TMEM266: variants seen among roughly 807,000 people sequenced by gnomAD.
TMEM266 encodes transmembrane protein 266, also known as Hv1 related protein 1.
A neutral mutation model predicts 50.5 loss-of-function variants in TMEM266; 33 were observed. The observed-to-expected ratio is 0.65, with a 90% CI of 0.50 to 0.87. The LOEUF (loss-of-function observed/expected upper bound fraction) is 0.87. TMEM266 is among the 40% of genes least tolerant of loss of function. The probability of loss-of-function intolerance (pLI) is 0.00; values close to 1 mark genes in which losing one functional copy is unlikely to be tolerated. For missense variants in TMEM266, 655 were observed against 695.1 expected (o/e 0.94, Z 0.65); for synonymous variants, 310 against 292.3 (o/e 1.06, Z -0.62).
chr15:76,072,309 A>G (rs527371135), intron 1 of TMEM266, among the ~76,000 whole-genome samples: 56 of 152,080 alleles, frequency 3.7e-4, no homozygotes, highest in Non-Finnish European at 5.9e-4. Context: ...GTGGTGGTGC[A>G]TGCCTGTAAT....
At chr15:76,129,669 A>G (rs1427786450) in intron 1 of TMEM266, among the ~76,000 whole-genome samples, 2 of 152,120 alleles carry the variant, frequency 1.3e-5, no homozygotes, top group East Asian at 3.9e-4. Flanking sequence ...CAAAAAACAA[A>G]ACAAAAAAAA....
rs187723442 is a variant in TMEM266, at chr15:76,133,688, G to A, written c.-96-480G>A. Among the ~76,000 whole-genome samples the A allele has an allele frequency of 4.1e-4, 62 of 152,228 alleles. 1 individual carries two copies. The highest frequency in any genetic ancestry group is 1.4e-3 in the African/African-American group (60 of 41,528). The stretch of plus-strand genomic sequence containing the variant: ...GCTCCAGGATCTATTCTTTCTCTCC[G>A]CTCTCGGAATGAGCTGAGAGGAGAA... On this transcript the variant is annotated intron_variant, in intron 1 of 10. Coordinates refer to ENST00000388942, the MANE Select transcript of TMEM266 (RefSeq NM_152335.3).
At chr15:76,127,901 T>G (rs1328075489) in intron 1 of TMEM266, among the ~76,000 whole-genome samples, 2 of 152,180 alleles carry the variant, frequency 1.3e-5, no homozygotes, top group Non-Finnish European at 2.9e-5. Context: ...ATGTACATTT[T>G]CGAACACTCC....
intron 6 of TMEM266, 145 bp from the exon 7 acceptor site, chr15:76,170,848 G>A: frequency 1.1e-6 from 1 of 884,262 alleles, no homozygotes; most frequent in Non-Finnish European, 1.7e-6. Context: ...GGAGGGTCAG[G>A]AGGGGCCACC....
At chr15:76,189,480 A>C (rs185719264) in intron 8 of TMEM266, among the ~76,000 whole-genome samples, 2 of 152,236 alleles carry the variant, frequency 1.3e-5, no homozygotes, top group Admixed American at 1.3e-4. Context: ...AGACTAGACA[A>C]GAAAGTGGCA....
chr15:76,171,460 CTT>C (rs891156583), intron 7 of TMEM266, among the ~76,000 whole-genome samples: 2 of 152,322 alleles, frequency 1.3e-5, no homozygotes, highest in Admixed American at 6.5e-5. Context: ...AAGGAGCAGA[CTT>C]TTACACCCTG....
chr15:76,070,832 T>G lies in TMEM266; in HGVS notation c.-97+10816T>G, dbSNP rs574833112. Among the ~76,000 whole-genome samples, 4 of 152,310 alleles carry G rather than the reference T, an allele frequency of 2.6e-5. No homozygotes were observed. In the East Asian group the frequency reaches 5.8e-4, roughly 22 times the overall value. On this transcript the variant is annotated intron_variant, in intron 1 of 10. Coordinates refer to ENST00000388942, the MANE Select transcript of TMEM266 (RefSeq NM_152335.3). ...ACCTTGCCAGCCACCTATCTTGATA[T>G]TCCTCCAAATACAGAGGGTCCTCCA... is the stretch of plus-strand genomic sequence containing the variant.
Position 76,104,027 on chromosome 15 carries a change from G to A in TMEM266, c.-96-30141G>A, listed in dbSNP as rs547137644. ...TCGAGACCATCCTGGCTAACATGAT[G>A]AAACCCCGTCTCTACTAAAAATACA... On this transcript the variant is annotated intron_variant, in intron 1 of 10. Transcript: ENST00000388942. 2.0e-5 allele frequency among the ~76,000 whole-genome samples: 3 copies of A among 151,012 alleles called. No individual in the cohort carries two copies. In the South Asian group the frequency reaches 6.3e-4, roughly 32 times the overall value.
At chr15:76,089,394 C>T (rs1420376785) in intron 1 of TMEM266, among the ~76,000 whole-genome samples, 1 of 151,930 alleles carries the variant, frequency 6.6e-6, no homozygotes, top group Non-Finnish European at 1.5e-5. Context: ...GGGGTTTCAC[C>T]GTGTTAGCCA....
intron 9 of TMEM266, among the ~76,000 whole-genome samples, chr15:76,200,687 T>C (rs1473414026): frequency 6.6e-6 from 1 of 152,164 alleles, no homozygotes; most frequent in Non-Finnish European, 1.5e-5. Context: ...AGCCTCCAGC[T>C]TGCAGGGATC....
chr15:76,104,807 G>T (rs1172290033), intron 1 of TMEM266, among the ~76,000 whole-genome samples: 1 of 152,174 alleles, frequency 6.6e-6, no homozygotes, highest in Non-Finnish European at 1.5e-5. Flanking sequence ...GGGATTAGGG[G>T]ATGGCAGTGG....
rs5813821 is a variant in TMEM266 at position 76,153,134 on chromosome 15, C to CAAA, written c.228-3461_228-3459dup. Among the ~76,000 whole-genome samples, 19 of 147,056 alleles carry CAAA rather than the reference C, an allele frequency of 1.3e-4. 1 individual carries two copies. Among genetic ancestry groups the CAAA allele is most frequent in the African/African-American group, 4.7e-4 (19 of 40,178 alleles). On this transcript the variant is annotated intron_variant, in intron 3 of 10. Coordinates refer to ENST00000388942, the MANE Select transcript of TMEM266 (RefSeq NM_152335.3). This position sits in a 1 kb window ranked among gnomAD's most constrained non-coding sequence, Gnocchi z 4.2. ...TGATATGGTTAGTAAGTTTCTCTAA[C>CAAA]AAAAAAAAAAAGAAGAAAAAAACGA...
intron 3 of TMEM266, among the ~76,000 whole-genome samples, chr15:76,145,785 T>G (rs2037746387): frequency 6.6e-6 from 1 of 152,266 alleles, no homozygotes; most frequent in African/African-American, 2.4e-5. Context: ...GTTTCTTCAA[T>G]GACTTGGTCA....
chr15:76,140,275 C>G (rs1567164714), intron 3 of TMEM266, among the ~76,000 whole-genome samples: 1 of 152,216 alleles, frequency 6.6e-6, no homozygotes, highest in African/African-American at 2.4e-5. Flanking sequence ...AGGCACAGGA[C>G]CGGAGCCAGG....
intron 1 of TMEM266, among the ~76,000 whole-genome samples, chr15:76,096,337 A>T (rs1486747249): frequency 1.3e-5 from 2 of 152,076 alleles, no homozygotes; most frequent in East Asian, 3.8e-4. Flanking sequence ...TTCAAATAAC[A>T]TCTTTATTTC....
At chr15:76,084,553 T>G (rs1203070975) in intron 1 of TMEM266, among the ~76,000 whole-genome samples, 2 of 151,924 alleles carry the variant, frequency 1.3e-5, no homozygotes, top group Non-Finnish European at 2.9e-5. Context: ...CTATTTCTGG[T>G]GAAATTTGGA....
chr15:76,123,936 C>A (rs1355066854), intron 1 of TMEM266, among the ~76,000 whole-genome samples: 1 of 152,196 alleles, frequency 6.6e-6, no homozygotes, highest in Admixed American at 6.5e-5. Flanking sequence ...TGGTCTCAAA[C>A]TCCTAACCTC....
intron 8 of TMEM266, among the ~76,000 whole-genome samples, chr15:76,177,924 T>C (rs906066973): frequency 2.0e-5 from 3 of 152,190 alleles, no homozygotes; most frequent in Non-Finnish European, 4.4e-5. Context: ...CGTCCCGGGC[T>C]CTGCAGGCCA....
At chr15:76,128,512 T>C (rs1335040232) in intron 1 of TMEM266, among the ~76,000 whole-genome samples, 2 of 152,230 alleles carry the variant, frequency 1.3e-5, no homozygotes, top group South Asian at 4.1e-4. Flanking sequence ...GGTTTTATCT[T>C]CCACTTTTAC....
Sources: gnomAD v4.1 joint callset for allele counts (sites outside exome capture counted in the v4.1 genomes callset) on GRCh38, gnomAD v4.1.1 for gene constraint, Gnocchi (gnomAD v3.1) non-coding constraint, MANE v1.5 for transcripts, NCBI Gene and HGNC (gene_info 2026-07-23, HGNC 2026-07-21) for gene names.